The following ENO1 variants were observed in gnomAD, a reference collection of about 807,000 sequenced individuals.
The protein encoded by ENO1 is alpha-enolase.
ENO1 carries 33 observed loss-of-function variants against 46.3 expected under a neutral mutation model. That is an observed-to-expected ratio of 0.71 (90% confidence interval 0.54 to 0.95). The LOEUF (loss-of-function observed/expected upper bound fraction) is 0.95, where lower values mean the gene tolerates loss of function less well. Among genes scored for constraint, ENO1 ranks in the 40% least tolerant of loss-of-function variants. The pLI, the probability that ENO1 is intolerant of heterozygous loss-of-function variation, is 0.00. For missense variants in ENO1, 488 were observed against 553.3 expected, an observed-to-expected ratio of 0.88 and a Z score of 1.18; for synonymous variants, 220 against 216.0, an observed-to-expected ratio of 1.02 and a Z score of -0.16.
At chr1:8,868,164 TTC>T (rs1322760206) in intron 4 of ENO1, 107 bp from the exon 5 acceptor site, 2 of 824,048 alleles carry the variant, frequency 2.4e-6, no homozygotes, top group East Asian at 5.4e-5. Flanking sequence ...TCAAAATCAA[TTC>T]TGTGATGTTT....
Position 8,861,220 on chromosome 1 carries a change from G to T in ENO1, c.*140C>A. 1 of 805,922 alleles carries T rather than the reference G, an allele frequency of 1.2e-6. No homozygotes were observed. The highest frequency in any genetic ancestry group is 2.0e-6 in the Non-Finnish European group (1 of 506,946). The allele number at this position is 805,922 out of a possible 1,614,324, so 49.9% of individuals were successfully genotyped here. On this transcript the variant is annotated 3_prime_UTR_variant, in exon 12 of 12. Coordinates refer to ENST00000234590, the MANE Select transcript of ENO1 (RefSeq NM_001428.5). ...CTTCTGTAGAAGTTCTAAGGAAGCG[G>T]TACGAACTCCACGGCGGTGGGGCGC...
At chr1:8,872,391 T>TTC (rs1642652076) in intron 2 of ENO1, among the ~76,000 whole-genome samples, 1 of 151,148 alleles carries the variant, frequency 6.6e-6, no homozygotes. Flanking sequence ...CTGGTACTTT[T>TTC]TTTTTCTTTT....
chr1:8,863,825 A>G (rs1323727944), intron 9 of ENO1, 66 bp downstream of exon 9: 1 of 1,559,600 alleles, frequency 6.4e-7, no homozygotes, highest in African/African-American at 1.4e-5. Flanking sequence ...CACCAGAACA[A>G]AAGGGCCCTT....
Position 8,878,685 on chromosome 1 carries a change from C to T in ENO1, c.-115G>A, listed in dbSNP as rs1339206730. 3 of 456,108 alleles carry T rather than the reference C, an allele frequency of 6.6e-6. No individual in the cohort carries two copies. The highest frequency in any genetic ancestry group is 8.8e-6 in the Non-Finnish European group (2 of 226,802). The allele number at this position is 456,108 out of a possible 1,614,324, so 28.3% of individuals were successfully genotyped here. A position where few individuals can be genotyped will look rare whatever the true frequency, so the allele number is the denominator to read the frequency against. ...TCCGTGCTCCGGGTACCCACAGATA[C>T]TGTCCGCGCCGCCCGCGCCGACTTC... On this transcript the variant is annotated 5_prime_UTR_variant, in exon 1 of 12. Transcript: ENST00000234590.
At chr1:8,867,908 G>T (rs1402947842) in intron 5 of ENO1, 80 bp downstream of exon 5, 2 of 1,233,440 alleles carry the variant, frequency 1.6e-6, no homozygotes, top group East Asian at 4.7e-5. Context: ...TAAGATCATG[G>T]GCCTCTTCCT....
At chr1:8,876,845 T>C in intron 1 of ENO1, among the ~76,000 whole-genome samples, 1 of 53,856 alleles carries the variant, frequency 1.9e-5, no homozygotes, top group Non-Finnish European at 7.2e-5. Flanking sequence ...TAAAGTGTGA[T>C]TTTTTTTTTA....
chr1:8,878,557 C>A lies in ENO1; in HGVS notation c.-10+23G>T, dbSNP rs996603461. The A allele has an allele frequency of 8.8e-6, 4 of 455,272 alleles. No individual in the cohort carries two copies. The East Asian group carries it at 2.8e-4, about 32-fold the overall frequency. The allele number at this position is 455,272 out of a possible 1,614,324, so 28.2% of individuals were successfully genotyped here. On this transcript the variant is annotated intron_variant, in intron 1 of 11. Coordinates refer to ENST00000234590, the MANE Select transcript of ENO1 (RefSeq NM_001428.5). ...AAAGCCCTGCGCCGCCTGCCCGTTG[C>A]TCAGCCCTTCCCCAATCATTACCTA...
chr1:8,861,306 A>AG lies in ENO1; in HGVS notation c.*53dup. On this transcript the variant is annotated 3_prime_UTR_variant, in exon 12 of 12. Coordinates refer to ENST00000234590, the MANE Select transcript of ENO1 (RefSeq NM_001428.5). ...GCCTCGAGCTGCCTGAGCTGACACGAGGGGAGGGGTCTGTGTAGCCAACAG... is the reference window on the plus strand; with the variant it reads ...GCCTCGAGCTGCCTGAGCTGACACGAGGGGGAGGGGTCTGTGTAGCCAACAG... 6.3e-7 allele frequency: 1 copy of AG among 1,589,922 alleles called. No homozygotes were observed. The highest frequency in any genetic ancestry group is 8.6e-7 in the Non-Finnish European group (1 of 1,159,988).
chr1:8,874,245 T>C (rs2124102478), intron 2 of ENO1, among the ~76,000 whole-genome samples: 1 of 152,264 alleles, frequency 6.6e-6, no homozygotes, highest in South Asian at 2.1e-4. Flanking sequence ...CTTACTTCAC[T>C]GACTTAGGAG....
intron 11 of ENO1, among the ~76,000 whole-genome samples, chr1:8,862,685 C>T (rs2781069): frequency 3.3e-5 from 5 of 152,328 alleles, no homozygotes; most frequent in Admixed American, 1.3e-4. Flanking sequence ...CCTCTGGTGG[C>T]GCTGCAGTGG....
intron 3 of ENO1, 69 bp from the exon 4 acceptor site, chr1:8,870,579 A>T (rs1486169048): frequency 8.7e-6 from 14 of 1,607,204 alleles, no homozygotes; most frequent in Non-Finnish European, 1.1e-5. Context: ...ATTGTTAGAG[A>T]GAACCACTGT....
In ENO1 at chr1:8,870,485, GATGTGCTC is replaced by G; in HGVS notation, c.199_206del (p.Glu67GlnfsTer2). On this transcript the variant is annotated frameshift_variant, in exon 4 of 12. Coordinates refer to ENST00000234590, the MANE Select transcript of ENO1 (RefSeq NM_001428.5). LOFTEE classifies it high-confidence loss of function. ...CCAGGGCAGGCGCAATAGTTTTATTGATGTGCTCAACAGCCTTTGAGACACCTGGAAGG... is the reference window on the plus strand; with the variant it reads ...CCAGGGCAGGCGCAATAGTTTTATTGAACAGCCTTTGAGACACCTGGAAGG... 1 of 1,614,214 alleles carries G rather than the reference GATGTGCTC, an allele frequency of 6.2e-7. No individual in the cohort carries two copies. Among genetic ancestry groups the G allele is most frequent in the Non-Finnish European group, 8.5e-7 (1 of 1,180,040 alleles).
At chr1:8,861,880 T>TAA (rs749592337) in intron 11 of ENO1, among the ~76,000 whole-genome samples, 24,699 of 112,354 alleles carry the variant, frequency 0.22, 3,031 homozygotes, top group African/African-American at 0.27. Context: ...ATCTTGATGT[T>TAA]AAAAAAAAAA....
At position 8,863,905 on chromosome 1, in the gene ENO1, G is replaced by A. The variant is rs752525268; in HGVS notation, c.1053C>T (p.Thr351=). ...LLKVNQIGSV[T]ESLQACKLAQ... ...AAGACACTTACGCCTGAAGAGACTCGGTCACGGAGCCAATCTGGTTGACTT... is the reference window on the plus strand; with the variant it reads ...AAGACACTTACGCCTGAAGAGACTCAGTCACGGAGCCAATCTGGTTGACTT... The change falls in exon 9 of 12, where the codon ACC becomes ACT. Residue 351 remains threonine (T), a synonymous_variant. Coordinates refer to ENST00000234590, the MANE Select transcript of ENO1 (RefSeq NM_001428.5). 9 of 1,614,090 alleles carry A rather than the reference G, an allele frequency of 5.6e-6. No homozygotes were observed. Among genetic ancestry groups the A allele is most frequent in the Admixed American group, 1.7e-5 (1 of 60,010 alleles).
intron 1 of ENO1, chr1:8,877,368 AC>A (rs1642756805): frequency 6.6e-6 from 1 of 151,926 alleles, no homozygotes; most frequent in Non-Finnish European, 1.5e-5. Flanking sequence ...TGCTCGGATT[AC>A]AGGCGTGAGC....
intron 5 of ENO1, among the ~76,000 whole-genome samples, chr1:8,867,783 GCCT>G (rs1347657801): frequency 1.5e-4 from 23 of 152,154 alleles, no homozygotes; most frequent in Non-Finnish European, 2.9e-4. Context: ...ACCTGCCTCA[GCCT>G]CCTAAAGTGT....
Position 8,871,945 on chromosome 1 carries a change from T to C in ENO1, c.127A>G (p.Ile43Val). ...TCCCGGAGCTCTAGGGCCTCATAGA[T>C]ACCAGTTGAAGCACCACTGGGCACA... is the stretch of plus-strand genomic sequence containing the variant. ...AAVPSGASTGIYEALELRDND... is the reference protein window; with the variant it reads ...AAVPSGASTGVYEALELRDND... Residue 43 changes from isoleucine to valine, a missense_variant, in exon 3 of 12, where the codon ATC (isoleucine) becomes GTC (valine). Coordinates refer to ENST00000234590, the MANE Select transcript of ENO1 (RefSeq NM_001428.5). 3 of 1,614,150 alleles carry C rather than the reference T, an allele frequency of 1.9e-6. No homozygotes were observed. Among genetic ancestry groups the C allele is most frequent in the East Asian group, 4.5e-5 (2 of 44,888 alleles).
intron 3 of ENO1, 32 bp from the exon 4 acceptor site, chr1:8,870,542 A>G (rs1380740989): frequency 6.2e-7 from 1 of 1,613,982 alleles, no homozygotes; most frequent in Non-Finnish European, 8.5e-7. Flanking sequence ...AATTACTGAC[A>G]TTAACTTTAA....
chr1:8,868,594 A>C (rs1385143001), intron 4 of ENO1, among the ~76,000 whole-genome samples: 1 of 152,260 alleles, frequency 6.6e-6, no homozygotes, highest in Non-Finnish European at 1.5e-5. Flanking sequence ...ATGGATCAAA[A>C]TGAATTTTTG....
Sources: gnomAD v4.1 joint callset for allele counts (sites outside exome capture counted in the v4.1 genomes callset) on GRCh38, gnomAD v4.1.1 for gene constraint, MANE v1.5 for transcripts, NCBI Gene and HGNC (gene_info 2026-07-23, HGNC 2026-07-21) for gene names.